The following CPVL variants were observed in gnomAD, a reference collection of about 807,000 sequenced individuals.
CPVL encodes probable serine carboxypeptidase CPVL.
In CPVL, 51 loss-of-function variants were observed where a neutral mutation model predicts 63.7. The ratio of observed to expected loss-of-function variants is 0.80; its 90% confidence interval spans 0.64 to 1.01. The LOEUF (loss-of-function observed/expected upper bound fraction) is 1.01, where lower values mean the gene tolerates loss of function less well. CPVL is among the 50% of genes least tolerant of loss of function. The pLI is 0.00. For synonymous variants in CPVL, 195 were observed against 206.0 expected (o/e 0.95, Z 0.46); for missense variants, 530 against 573.1 (o/e 0.92, Z 0.77).
chr7:29,193,431 C>T (rs553849207), intron 1 of CPVL: 11 of 152,226 alleles, frequency 7.2e-5, no homozygotes, highest in African/African-American at 2.6e-4. Flanking sequence ...TTCTTTTAAC[C>T]ATGTTTTAAA....
intron 1 of CPVL, chr7:29,125,217 A>C (rs1789872460): frequency 6.6e-6 from 1 of 152,104 alleles, no homozygotes; most frequent in Admixed American, 6.6e-5. Context: ...TAAATAAGGA[A>C]CCATATTTTA....
chr7:29,148,571 G>T (rs1482270748), upstream of CPVL: 1 of 152,176 alleles, frequency 6.6e-6, no homozygotes, highest in Non-Finnish European at 1.5e-5. Context: ...AATTAAAACA[G>T]AGTCAAAAGA....
At chr7:29,123,802 G>T (rs1219970527) in intron 1 of CPVL, among the ~76,000 whole-genome samples, 1 of 149,608 alleles carries the variant, frequency 6.7e-6, no homozygotes, top group Non-Finnish European at 1.5e-5. Context: ...CCCTTTAATG[G>T]AAGCCATTAA....
chr7:29,160,770 T>A (rs1795066348), intron 5 of CPVL, among the ~76,000 whole-genome samples: 1 of 152,194 alleles, frequency 6.6e-6, no homozygotes, highest in Non-Finnish European at 1.5e-5. Context: ...CCTGGGCTCT[T>A]AATGACGTTG....
intron 12 of CPVL, among the ~76,000 whole-genome samples, chr7:29,029,991 A>G (rs1009718823): frequency 1.3e-5 from 2 of 152,212 alleles, no homozygotes; most frequent in Non-Finnish European, 1.5e-5. Flanking sequence ...TGGCTTCACC[A>G]GTGAATTCTC....
Position 29,030,559 on chromosome 7 carries a change from T to C in CPVL, c.1320+18A>G, listed in dbSNP as rs1483773767. Reference sequence around the variant, plus strand: ...TCTCCCATTCCCACAACCTGCCTGCTCCCAAGCATCTTCCTACCTGATGGA... The same window carrying C: ...TCTCCCATTCCCACAACCTGCCTGCCCCCAAGCATCTTCCTACCTGATGGA... On this transcript the variant is annotated intron_variant, in intron 12 of 12. Transcript: ENST00000265394. The C allele has an allele frequency of 6.2e-7, 1 of 1,603,892 alleles. No individual in the cohort carries two copies. Among genetic ancestry groups the C allele is most frequent in the Admixed American group, 1.7e-5 (1 of 59,154 alleles).
intron 11 of CPVL, among the ~76,000 whole-genome samples, chr7:29,046,817 C>G (rs891061999): frequency 6.6e-6 from 1 of 152,080 alleles, no homozygotes; most frequent in Non-Finnish European, 1.5e-5. Flanking sequence ...GTTGCATTTC[C>G]TAGATTCTAG....
At position 29,093,441 on chromosome 7, in the gene CPVL, G is replaced by A. The variant is rs555926438; in HGVS notation, c.463-739C>T. On this transcript the variant is annotated intron_variant, in intron 5 of 12. Transcript: ENST00000265394. ...CTGAAGAAAAAGGTAGTTGTACATT[G>A]TCTTCCTCTTCTTCTTCTTCCTCCT... Among the ~76,000 whole-genome samples, 6 of 148,922 alleles carry A rather than the reference G, an allele frequency of 4.0e-5. No individual in the cohort carries two copies. In the East Asian group the frequency reaches 1.2e-3, roughly 30 times the overall value.
chr7:29,021,105 C>A (rs551760294), intron 12 of CPVL, among the ~76,000 whole-genome samples: 1 of 151,366 alleles, frequency 6.6e-6, no homozygotes, highest in East Asian at 1.9e-4. Flanking sequence ...TCCTAGAAGG[C>A]GGAGGTTGTA....
At chr7:29,036,332 C>T (rs1446812159) in intron 11 of CPVL, among the ~76,000 whole-genome samples, 1 of 152,180 alleles carries the variant, frequency 6.6e-6, no homozygotes, top group Admixed American at 6.5e-5. Context: ...GTGCCTGACA[C>T]AGAATAAGAG....
At chr7:29,082,014 C>T (rs967097345) in intron 7 of CPVL, among the ~76,000 whole-genome samples, 1 of 152,168 alleles carries the variant, frequency 6.6e-6, no homozygotes, top group Non-Finnish European at 1.5e-5. Flanking sequence ...AAGCAGAAAA[C>T]CATTTCTGAA....
intron 6 of CPVL, among the ~76,000 whole-genome samples, chr7:29,090,123 A>T (rs1785620149): frequency 1.3e-5 from 2 of 152,162 alleles, no homozygotes; most frequent in African/African-American, 4.8e-5. Flanking sequence ...TCGGCCTCCC[A>T]AAGTGCTGGG....
chr7:29,144,134 A>G (rs1006145476), intron 1 of CPVL, among the ~76,000 whole-genome samples: 5 of 152,220 alleles, frequency 3.3e-5, no homozygotes, highest in Non-Finnish European at 7.3e-5. Context: ...GTATCTTTCT[A>G]ATTCTGAGAA....
chr7:29,183,665 C>G (rs1428030049), intron 4 of CPVL, among the ~76,000 whole-genome samples: 1 of 152,096 alleles, frequency 6.6e-6, no homozygotes, highest in Non-Finnish European at 1.5e-5. Context: ...GTGTGAGCCA[C>G]CACACCTGGC....
intron 11 of CPVL, among the ~76,000 whole-genome samples, chr7:29,062,987 T>C (rs1005225169): frequency 6.6e-6 from 1 of 152,096 alleles, no homozygotes; most frequent in Non-Finnish European, 1.5e-5. Flanking sequence ...AGACGATCCC[T>C]TGGGCAAAGG....
chr7:28,997,937 G>A (rs1047120653), intron 12 of CPVL, among the ~76,000 whole-genome samples: 4 of 152,198 alleles, frequency 2.6e-5, no homozygotes, highest in Admixed American at 2.6e-4. Context: ...AAACTTTTGT[G>A]TTTTGCTGCA....
At chr7:29,110,996 G>C (rs1409365400) in intron 3 of CPVL, among the ~76,000 whole-genome samples, 2 of 152,224 alleles carry the variant, frequency 1.3e-5, no homozygotes, top group Non-Finnish European at 2.9e-5. Flanking sequence ...GGCAAGAAAA[G>C]AGATTCTCCC....
At chr7:29,077,361 A>C (rs1784336382) in intron 7 of CPVL, among the ~76,000 whole-genome samples, 1 of 152,176 alleles carries the variant, frequency 6.6e-6, no homozygotes, top group East Asian at 1.9e-4. Context: ...TACACATTTC[A>C]TGGTGAAAAA....
intron 5 of CPVL, among the ~76,000 whole-genome samples, chr7:29,158,519 AGTCTTTATGTGATAATATTGATACTT>A (rs1007030418): frequency 1.0e-3 from 38 of 36,758 alleles, no homozygotes; most frequent in Non-Finnish European, 2.2e-3. Context: ...TGTGTAGCCT[AGTCTTTATGTGATAATATTGATACTT>A]AAGTTTACCA....
Sources: allele counts gnomAD v4.1 joint callset (sites outside exome capture counted in the v4.1 genomes callset), GRCh38; gene constraint gnomAD v4.1.1; transcripts MANE v1.5; gene names NCBI Gene and HGNC (gene_info 2026-07-23, HGNC 2026-07-21).